The following PTPN12 variants were observed in gnomAD, a reference collection of about 807,000 sequenced individuals.
The protein encoded by PTPN12 is protein tyrosine phosphatase non-receptor type 12, also known as tyrosine-protein phosphatase non-receptor type 12.
Under a neutral mutation model 97.6 loss-of-function variants are expected in PTPN12, and 29 were observed. The observed-to-expected ratio is 0.30, with a 90% CI of 0.22 to 0.41. PTPN12 has a LOEUF of 0.41. PTPN12 is among the 10% of genes least tolerant of loss of function. The probability of loss-of-function intolerance (pLI) is 1.00; values close to 1 mark genes in which losing one functional copy is unlikely to be tolerated. For missense variants in PTPN12, 819 were observed against 926.0 expected (o/e 0.88, Z 1.50); for synonymous variants, 327 against 300.4 (o/e 1.09, Z -0.91).
At chr7:77,635,226 G>A (rs188388515) in intron 14 of PTPN12, among the ~76,000 whole-genome samples, 1 of 152,304 alleles carries the variant, frequency 6.6e-6, no homozygotes, top group East Asian at 1.9e-4. Flanking sequence ...TGCCCTAGGA[G>A]TTTGAGACCA....
intron 11 of PTPN12, among the ~76,000 whole-genome samples, chr7:77,617,178 A>G (rs775480524): frequency 6.6e-6 from 1 of 152,160 alleles, no homozygotes; most frequent in Non-Finnish European, 1.5e-5. Context: ...CGTGAGGCAC[A>G]CCAGTTCACA....
rs1434450953 is a variant in PTPN12 at position 77,583,613 on chromosome 7, T to C, written c.344T>C (p.Ile115Thr). ...ATQGPLANTV[I>T]DFWRMIWEYN... ...CAAGGACCTTTAGCAAATACAGTAATAGATTTTTGGAGGATGATATGGGAG... is the reference window on the plus strand; with the variant it reads ...CAAGGACCTTTAGCAAATACAGTAACAGATTTTTGGAGGATGATATGGGAG... Residue 115 changes from isoleucine (I) to threonine (T), a missense_variant, in exon 4 of 18, where the codon ATA becomes ACA. By Grantham distance (89) the Ile-to-Thr change is moderately conservative. Around this residue, in one of 5 missense-constraint regions of PTPN12, gnomAD observed 66 missense variants for 133.6 expected, o/e 0.49. Transcript: ENST00000248594. 1 of 1,610,528 alleles carries C rather than the reference T, an allele frequency of 6.2e-7. No homozygotes were observed. Among genetic ancestry groups the C allele is most frequent in the African/African-American group, 1.3e-5 (1 of 74,844 alleles).
intron 5 of PTPN12, among the ~76,000 whole-genome samples, chr7:77,586,617 A>G (rs998063968): frequency 2.0e-4 from 30 of 152,198 alleles, no homozygotes; most frequent in African/African-American, 7.0e-4. Flanking sequence ...AGTTTGCCAC[A>G]TTGATTGTCT....
intron 15 of PTPN12, 76 bp from the exon 16 acceptor site, chr7:77,636,942 C>T: frequency 8.8e-7 from 1 of 1,135,640 alleles, no homozygotes; most frequent in South Asian, 1.4e-5. Context: ...GATATATACC[C>T]ATAACAGACC....
At chr7:77,570,478 G>A (rs1463312542) in intron 1 of PTPN12, among the ~76,000 whole-genome samples, 10 of 152,286 alleles carry the variant, frequency 6.6e-5, no homozygotes, top group Non-Finnish European at 1.5e-4. Flanking sequence ...TTACTGACAC[G>A]CAGAAATATT....
rs1374120801 is a variant in PTPN12 at position 77,594,472 on chromosome 7, T to C, written c.492+2216T>C. Among the ~76,000 whole-genome samples the C allele has an allele frequency of 3.9e-5, 6 of 152,112 alleles. 1 individual carries two copies. The highest frequency in any genetic ancestry group is 8.8e-5 in the Non-Finnish European group (6 of 68,020). On this transcript the variant is annotated intron_variant, in intron 6 of 17. Transcript: ENST00000248594. ...TGTAGAAACCTAGTTCTGTGTAGTA[T>C]GGTTGTTTTGGACATTTGTAAATTT...
intron 2 of PTPN12, 24 bp from the exon 3 acceptor site, chr7:77,581,403 A>C: frequency 6.6e-7 from 1 of 1,526,050 alleles, no homozygotes; most frequent in Middle Eastern, 1.7e-4. Context: ...AACCATACAT[A>C]TTTTATGAAT....
intron 1 of PTPN12, among the ~76,000 whole-genome samples, chr7:77,563,708 TGAG>T (rs1287934000): frequency 6.6e-6 from 1 of 152,114 alleles, no homozygotes; most frequent in Non-Finnish European, 1.5e-5. Context: ...TGGCTTCAAA[TGAG>T]GAGGCATAGC....
chr7:77,578,824 A>G (rs1167915581), intron 2 of PTPN12, among the ~76,000 whole-genome samples: 2 of 152,268 alleles, frequency 1.3e-5, no homozygotes, highest in African/African-American at 4.8e-5. Flanking sequence ...AGGCAATTCT[A>G]CTTTAGGATT....
At chr7:77,585,679 C>A (rs2151336072) in intron 5 of PTPN12, 98 bp downstream of exon 5, 2 of 1,061,302 alleles carry the variant, frequency 1.9e-6, no homozygotes, top group South Asian at 1.5e-5. Context: ...AATGTAGATA[C>A]TTCTTTTATT....
intron 1 of PTPN12, among the ~76,000 whole-genome samples, chr7:77,556,163 C>G (rs919608563): frequency 1.3e-5 from 2 of 152,064 alleles, no homozygotes; most frequent in Non-Finnish European, 2.9e-5. Flanking sequence ...TGGGCTCAAG[C>G]AATCCTCCCA....
chr7:77,569,808 A>C (rs1808400375), intron 1 of PTPN12, among the ~76,000 whole-genome samples: 3 of 152,162 alleles, frequency 2.0e-5, no homozygotes, highest in Admixed American at 6.5e-5. Context: ...TGTAACTTTG[A>C]ATATAAATCA....
At position 77,604,177 on chromosome 7, in the gene PTPN12, G is replaced by A. The variant is rs541774054; in HGVS notation, c.696-3058G>A. On this transcript the variant is annotated intron_variant, in intron 8 of 17. Coordinates refer to ENST00000248594, the MANE Select transcript of PTPN12 (RefSeq NM_002835.4). ...TGCTGGGATTACAGGTGTGAGCCAC[G>A]GTTCCCAGCCTTTGTTTGCATTTTT... 6.5e-4 allele frequency among the ~76,000 whole-genome samples: 88 copies of A among 135,898 alleles called. 2 individuals are homozygous for A. Among genetic ancestry groups the A allele is most frequent in the African/African-American group, 2.3e-3 (82 of 36,186 alleles). 89.2% of individuals were successfully genotyped at this position (135,898 alleles called of 152,430 possible). A position where few individuals can be genotyped will look rare whatever the true frequency, so the allele number is the denominator to read the frequency against.
At chr7:77,550,131 C>T (rs890281622) in intron 1 of PTPN12, among the ~76,000 whole-genome samples, 17 of 152,144 alleles carry the variant, frequency 1.1e-4, no homozygotes, top group Non-Finnish European at 1.2e-4. Flanking sequence ...TTGTGCCTCC[C>T]TTTGAAATTC....
intron 11 of PTPN12, among the ~76,000 whole-genome samples, chr7:77,613,377 G>GC (rs1788640495): frequency 6.6e-6 from 1 of 151,208 alleles, no homozygotes; most frequent in Admixed American, 6.6e-5. Flanking sequence ...GTTTCACCAT[G>GC]TTGGCCAGGC....
At chr7:77,615,118 TTG>T (rs1295863417) in intron 11 of PTPN12, among the ~76,000 whole-genome samples, 2 of 152,178 alleles carry the variant, frequency 1.3e-5, no homozygotes, top group African/African-American at 4.8e-5. Flanking sequence ...CCTTTTTATC[TTG>T]TGTGTAAAGG....
intron 1 of PTPN12, among the ~76,000 whole-genome samples, chr7:77,551,425 A>G (rs1330766702): frequency 2.6e-5 from 4 of 152,304 alleles, no homozygotes; most frequent in South Asian, 4.1e-4. Context: ...CTGAGTGGCA[A>G]TTTGTTCAGC....
At chr7:77,614,996 CT>C (rs1788701788) in intron 11 of PTPN12, among the ~76,000 whole-genome samples, 2 of 152,126 alleles carry the variant, frequency 1.3e-5, no homozygotes, top group East Asian at 3.8e-4. Flanking sequence ...ACTACAGTGA[CT>C]TCCTGGAGTG....
chr7:77,575,712 G>T (rs1787320880), intron 2 of PTPN12, among the ~76,000 whole-genome samples: 1 of 152,044 alleles, frequency 6.6e-6, no homozygotes, highest in South Asian at 2.1e-4. Flanking sequence ...CTAGTTTTAG[G>T]ACATTTCCAT....
Sources: gnomAD v4.1 joint callset for allele counts (sites outside exome capture counted in the v4.1 genomes callset) on GRCh38, gnomAD v4.1.1 for gene constraint, gnomAD v4.1.1 regional missense constraint, MANE v1.5 for transcripts, NCBI Gene and HGNC (gene_info 2026-07-23, HGNC 2026-07-21) for gene names.